Variants in WWOX observed in about 807,000 individuals in gnomAD.
The protein encoded by WWOX is WW domain containing oxidoreductase.
In WWOX, 69 loss-of-function variants were observed where a neutral mutation model predicts 46.2. That is an observed-to-expected ratio of 1.49 (90% confidence interval 1.23 to 1.82). WWOX has a LOEUF of 1.82. WWOX is among the 40% of genes most tolerant of loss of function. The probability of loss-of-function intolerance (pLI) is 0.00; values close to 1 mark genes in which losing one functional copy is unlikely to be tolerated. For synonymous variants in WWOX, 359 were observed against 202.6 expected, an observed-to-expected ratio of 1.77 and a Z score of -6.56; for missense variants, 919 against 542.6, an observed-to-expected ratio of 1.69 and a Z score of -6.89.
chr16:78,533,152 G>T (rs1263247205), intron 8 of WWOX, among the ~76,000 whole-genome samples: 1 of 151,958 alleles, frequency 6.6e-6, no homozygotes, highest in East Asian at 1.9e-4. Context: ...AAAGGTTGGA[G>T]CTCAAGGAAG....
At chr16:78,645,681 T>A (rs999012221) in intron 8 of WWOX, among the ~76,000 whole-genome samples, 9 of 152,026 alleles carry the variant, frequency 5.9e-5, no homozygotes, top group Non-Finnish European at 1.2e-4. Flanking sequence ...GGGAGAACAT[T>A]AATCTAGCCA....
intron 8 of WWOX, chr16:78,825,249 C>G (rs1166920641): frequency 1.2e-5 from 3 of 242,026 alleles, no homozygotes; most frequent in Non-Finnish European, 1.7e-5. Context: ...GAGGCACAAT[C>G]TGCTTTCCTT....
intron 8 of WWOX, among the ~76,000 whole-genome samples, chr16:79,151,947 G>A (rs1044920266): frequency 6.6e-6 from 1 of 152,096 alleles, no homozygotes; most frequent in Non-Finnish European, 1.5e-5. Flanking sequence ...GAGGATATCT[G>A]GGCTCTGAGT....
intron 8 of WWOX, among the ~76,000 whole-genome samples, chr16:79,161,897 T>C (rs1027956930): frequency 1.3e-5 from 2 of 152,230 alleles, no homozygotes; most frequent in Non-Finnish European, 2.9e-5. Context: ...AGGGGAAATA[T>C]GAGGCTTTAA....
At chr16:78,469,398 C>T (rs1271343999) in intron 8 of WWOX, among the ~76,000 whole-genome samples, 2 of 151,776 alleles carry the variant, frequency 1.3e-5, no homozygotes, top group African/African-American at 2.4e-5. Flanking sequence ...TTCACAGGAG[C>T]ACTTGGAGAA....
At chr16:78,614,871 G>T (rs1188121127) in intron 8 of WWOX, among the ~76,000 whole-genome samples, 1 of 152,160 alleles carries the variant, frequency 6.6e-6, no homozygotes, top group Non-Finnish European at 1.5e-5. Flanking sequence ...TGCCATGGTG[G>T]TTTGCTGCAG....
chr16:78,578,602 T>C (rs1041552616), intron 8 of WWOX, among the ~76,000 whole-genome samples: 1 of 152,008 alleles, frequency 6.6e-6, no homozygotes, highest in Admixed American at 6.6e-5. Context: ...TTATATATTA[T>C]ACACACAAAC....
chr16:79,095,026 G>A (rs1020581608), intron 8 of WWOX, among the ~76,000 whole-genome samples: 3 of 152,144 alleles, frequency 2.0e-5, no homozygotes, highest in African/African-American at 7.2e-5. Context: ...TCCCTTTGAG[G>A]TGATTTCTGG....
chr16:79,017,405 G>A (rs1422349585), intron 8 of WWOX: 1 of 113,496 alleles, frequency 8.8e-6, no homozygotes, highest in Admixed American at 1.2e-4. Flanking sequence ...ACTCCAGCCT[G>A]GGCAACAGAG....
chr16:78,566,187 C>T (rs74029568), intron 8 of WWOX, among the ~76,000 whole-genome samples: 3,877 of 152,174 alleles, frequency 0.025, 74 homozygotes, highest in African/African-American at 0.055. Context: ...TCCCATCGTA[C>T]CCCGTCCCCC....
intron 8 of WWOX, among the ~76,000 whole-genome samples, chr16:78,774,545 C>T (rs926940390): frequency 2.6e-5 from 4 of 151,230 alleles, no homozygotes; most frequent in African/African-American, 4.9e-5. Flanking sequence ...CGTGCGCACA[C>T]GCATGAGCCT....
At chr16:78,908,151 G>T (rs1434519501) in intron 8 of WWOX, among the ~76,000 whole-genome samples, 1 of 152,154 alleles carries the variant, frequency 6.6e-6, no homozygotes, top group East Asian at 1.9e-4. Flanking sequence ...GTGTGGCAGT[G>T]TCACAACTTA....
intron 8 of WWOX, among the ~76,000 whole-genome samples, chr16:78,657,261 G>A (rs925200631): frequency 3.3e-5 from 5 of 151,904 alleles, no homozygotes; most frequent in Admixed American, 1.3e-4. Context: ...CCTGGGGTGA[G>A]TGAAGACGCT....
At chr16:79,142,689 AG>A (rs1201021670) in intron 8 of WWOX, among the ~76,000 whole-genome samples, 2 of 152,104 alleles carry the variant, frequency 1.3e-5, no homozygotes, top group African/African-American at 4.8e-5. Flanking sequence ...TGCCTGGATC[AG>A]TTTTTGTTTT....
chr16:78,367,385 C>A (rs543775664), intron 5 of WWOX, among the ~76,000 whole-genome samples: 5 of 144,648 alleles, frequency 3.5e-5, no homozygotes, highest in African/African-American at 1.3e-4. Context: ...TATAAACTTG[C>A]TTAAAACATG....
chr16:78,628,281 T>G (rs372171767), intron 8 of WWOX, among the ~76,000 whole-genome samples: 1 of 152,320 alleles, frequency 6.6e-6, no homozygotes, highest in African/African-American at 2.4e-5. Context: ...TGCTAATGTT[T>G]CCTGAAGTTT....
intron 8 of WWOX, among the ~76,000 whole-genome samples, chr16:78,887,814 T>G (rs1427127897): frequency 6.6e-6 from 1 of 152,198 alleles, no homozygotes; most frequent in Non-Finnish European, 1.5e-5. Context: ...TTTTGCTGAG[T>G]GAGCTTAGGA....
chr16:78,581,840 A>G (rs2045064224), intron 8 of WWOX, among the ~76,000 whole-genome samples: 1 of 152,132 alleles, frequency 6.6e-6, no homozygotes, highest in African/African-American at 2.4e-5. Flanking sequence ...ATATCCTTTT[A>G]TTTCATAAAG....
At chr16:78,992,507 G>C (rs767387394) in intron 8 of WWOX, among the ~76,000 whole-genome samples, 1 of 152,050 alleles carries the variant, frequency 6.6e-6, no homozygotes, top group Non-Finnish European at 1.5e-5. Flanking sequence ...GCTCCAGTGA[G>C]CTCATTTTAC....
Sources: allele counts gnomAD v4.1 joint callset (sites outside exome capture counted in the v4.1 genomes callset), GRCh38; gene constraint gnomAD v4.1.1; transcripts MANE v1.5; gene names NCBI Gene and HGNC (gene_info 2026-07-23, HGNC 2026-07-21).